Variants in EDC4 observed in about 807,000 individuals in gnomAD.
EDC4 encodes enhancer of mRNA decapping 4.
A neutral mutation model predicts 155.8 loss-of-function variants in EDC4; 64 were observed. The ratio of observed to expected loss-of-function variants is 0.41; its 90% CI spans 0.34 to 0.51. The LOEUF is 0.51. Among genes scored for constraint, EDC4 ranks in the 20% least tolerant of loss-of-function variants. The pLI, the probability that EDC4 is intolerant of heterozygous loss-of-function variation, is 0.19. For missense variants in EDC4, 1,303 were observed against 1,812.5 expected, an observed-to-expected ratio of 0.72 and a Z score of 5.10; for synonymous variants, 684 against 716.8, an observed-to-expected ratio of 0.95 and a Z score of 0.73.
rs865799287 is a variant in EDC4 at position 67,881,846 on chromosome 16, G to A, written c.3004+1G>A. On this transcript the variant is annotated splice_donor_variant, in intron 22 of 28. Transcript: ENST00000358933. LOFTEE classifies it high-confidence loss of function. The surrounding 1 kb of genome is among the most constrained non-coding windows in gnomAD (Gnocchi z 5.4). Reference sequence around the variant, plus strand: ...CTTGAGACTCGGCACGAGCAGGAACGTATCCTTGAGACTGGTAGCACAACA... The same window carrying A: ...CTTGAGACTCGGCACGAGCAGGAACATATCCTTGAGACTGGTAGCACAACA... The A allele has an allele frequency of 1.2e-6, 2 of 1,612,512 alleles. No homozygotes were observed. The highest frequency in any genetic ancestry group is 2.2e-5 in the East Asian group (1 of 44,830).
Position 67,883,249 on chromosome 16 carries a change from C to G in EDC4, c.3849+72C>G. 1 of 1,484,854 alleles carries G rather than the reference C, an allele frequency of 6.7e-7. No individual in the cohort carries two copies. The highest frequency in any genetic ancestry group is 9.0e-7 in the Non-Finnish European group (1 of 1,115,214). 92.0% of individuals were successfully genotyped at this position (1,484,854 alleles called of 1,614,324 possible). On this transcript the variant is annotated intron_variant, in intron 27 of 28. Transcript: ENST00000358933. The surrounding 1 kb of genome is among the most constrained non-coding windows in gnomAD (Gnocchi z 5.3). ...AGGCCCACATACCATACATTCTACTCCACCCACCACCTTTGCACCTTCTGG... is the reference window on the plus strand; with the variant it reads ...AGGCCCACATACCATACATTCTACTGCACCCACCACCTTTGCACCTTCTGG...
rs765124833 is a variant in EDC4 at position 67,878,178 on chromosome 16, G to T, written c.907G>T (p.Gly303Ter). 1 of 1,614,162 alleles carries T rather than the reference G, an allele frequency of 6.2e-7. No individual in the cohort carries two copies. The highest frequency in any genetic ancestry group is 8.5e-7 in the Non-Finnish European group (1 of 1,180,040). ...VKGHSTCLSE[G>*]ALSPDGTVLA... ...GGGTTCTTTCTAGTGCCTCAGTGAA[G>T]GAGCCCTCTCTCCTGATGGGACTGT... The change falls in exon 8 of 29, where the codon GGA becomes TGA. Residue 303 changes from glycine (G) to a stop codon, truncating the protein, a stop_gained. Transcript: ENST00000358933. LOFTEE classifies it high-confidence loss of function. This position sits in a 1 kb window ranked among gnomAD's most constrained non-coding sequence, Gnocchi z 5.2.
chr16:67,881,760 G>A lies in EDC4; in HGVS notation c.2919G>A (p.Gln973=). Residue 973 remains glutamine (Q), a synonymous_variant, in exon 22 of 29, where the codon CAG becomes CAA. Transcript: ENST00000358933. The surrounding 1 kb of genome is among the most constrained non-coding windows in gnomAD (Gnocchi z 5.4). The stretch of plus-strand genomic sequence containing the variant: ...GGCACAGCCAGGAAGAGCTGCTGCA[G>A]CGTCTGTGTACCCAACTCGAAGGCC... The part of the protein sequence containing the change: ...ELRHSQEELL[Q]RLCTQLEGLQ... 1 of 1,614,144 alleles carries A rather than the reference G, an allele frequency of 6.2e-7. No individual in the cohort carries two copies.
rs755189581 is a variant in EDC4, at chr16:67,878,253, A to G, written c.982A>G (p.Ile328Val). The G allele has an allele frequency of 6.2e-7, 1 of 1,614,162 alleles. No individual in the cohort carries two copies. Among genetic ancestry groups the G allele is most frequent in the East Asian group, 2.2e-5 (1 of 44,878 alleles). ...DGYVKFWQIYIEGQDEPRCLH... is the reference protein window; with the variant it reads ...DGYVKFWQIYVEGQDEPRCLH... ...CTATGTCAAGTTCTGGCAGATCTAC[A>G]TTGAGGGGCAAGATGAGCCAAGGTA... The change falls in exon 8 of 29, where the codon ATT (isoleucine) becomes GTT (valine). Residue 328 changes from isoleucine to valine, a missense_variant. Around this residue, in one of 5 missense-constraint regions of EDC4, gnomAD observed 235 missense variants for 367.7 expected, o/e 0.64. Transcript: ENST00000358933. The surrounding 1 kb of genome is among the most constrained non-coding windows in gnomAD (Gnocchi z 5.2).
Position 67,878,704 on chromosome 16 carries a change from C to T in EDC4, c.1185-33C>T, listed in dbSNP as rs2058052109. 2.5e-6 allele frequency: 4 copies of T among 1,614,180 alleles called. No homozygotes were observed. Among genetic ancestry groups the T allele is most frequent in the Admixed American group, 1.7e-5 (1 of 60,018 alleles). ...TGGGAATGTAGCTTCCTTCAGTTCT[C>T]AGGCTCATTCACTCTGCTTTGTGGC... is the stretch of plus-strand genomic sequence containing the variant. On this transcript the variant is annotated intron_variant, in intron 10 of 28. Coordinates refer to ENST00000358933, the MANE Select transcript of EDC4 (RefSeq NM_014329.5). This position sits in a 1 kb window ranked among gnomAD's most constrained non-coding sequence, Gnocchi z 5.2.
In EDC4 at chr16:67,877,981, C is replaced by A; in HGVS notation, c.894+136C>A. 2 of 1,493,436 alleles carry A rather than the reference C, an allele frequency of 1.3e-6. No individual in the cohort carries two copies. The highest frequency in any genetic ancestry group is 1.4e-5 in the African/African-American group (1 of 72,122). The allele number at this position is 1,493,436 out of a possible 1,614,324, so 92.5% of individuals were successfully genotyped here. On this transcript the variant is annotated intron_variant, in intron 7 of 28. Coordinates refer to ENST00000358933, the MANE Select transcript of EDC4 (RefSeq NM_014329.5). This position sits in a 1 kb window ranked among gnomAD's most constrained non-coding sequence, Gnocchi z 4.9. ...GACTCTGAGCTCAAATTGGCCCTCACCTGTGCAGCTTTCTCCTTATCTAGC... is the reference window on the plus strand; with the variant it reads ...GACTCTGAGCTCAAATTGGCCCTCAACTGTGCAGCTTTCTCCTTATCTAGC...
At position 67,876,434 on chromosome 16, in the gene EDC4, C is replaced by A; in HGVS notation, c.240-54C>A. The A allele has an allele frequency of 6.3e-7, 1 of 1,598,000 alleles. No individual in the cohort carries two copies. The highest frequency in any genetic ancestry group is 1.7e-5 in the Admixed American group (1 of 59,144). On this transcript the variant is annotated intron_variant, in intron 2 of 28. Transcript: ENST00000358933. This position sits in a 1 kb window ranked among gnomAD's most constrained non-coding sequence, Gnocchi z 5.8. ...ATGTCCTCGCTTCCTCCCAACCCTGCCCGCTGAGCCTTTGGGTGAACAAGA... is the reference window on the plus strand; with the variant it reads ...ATGTCCTCGCTTCCTCCCAACCCTGACCGCTGAGCCTTTGGGTGAACAAGA...
At position 67,879,576 on chromosome 16, in the gene EDC4, T is replaced by C. The variant is rs371245095; in HGVS notation, c.1634-11T>C. The C allele has an allele frequency of 1.9e-6, 3 of 1,613,710 alleles. No homozygotes were observed. The East Asian group carries it at 6.7e-5, about 36-fold the overall frequency. On this transcript the variant is annotated splice_polypyrimidine_tract_variant and intron_variant, in intron 14 of 28. Transcript: ENST00000358933. The surrounding 1 kb of genome is among the most constrained non-coding windows in gnomAD (Gnocchi z 6.0). ...TCTGAGATCTAACTCAAGTGGCAAC[T>C]TGCCCTGCAGCATTTGGAGAGTCTC...
intron 1 of EDC4, among the ~76,000 whole-genome samples, chr16:67,875,247 G>T (rs34132524): frequency 4.6e-5 from 7 of 152,152 alleles, no homozygotes; most frequent in African/African-American, 1.7e-4. Flanking sequence ...GCTCCTTTAT[G>T]TCCCTGCCTT....
At position 67,876,213 on chromosome 16, in the gene EDC4, A is replaced by T; in HGVS notation, c.239+112A>T. ...CAGCAGCCTCTGCTGCTTCCTCTCTAGATGACCTGGGGTGGAGCTTGAGCT... is the reference window on the plus strand; with the variant it reads ...CAGCAGCCTCTGCTGCTTCCTCTCTTGATGACCTGGGGTGGAGCTTGAGCT... On this transcript the variant is annotated intron_variant, in intron 2 of 28. Transcript: ENST00000358933. This position sits in a 1 kb window ranked among gnomAD's most constrained non-coding sequence, Gnocchi z 5.8. The T allele has an allele frequency of 7.9e-7, 1 of 1,269,600 alleles. No homozygotes were observed. Among genetic ancestry groups the T allele is most frequent in the Non-Finnish European group, 1.1e-6 (1 of 899,530 alleles). The allele number at this position is 1,269,600 out of a possible 1,614,324, so 78.6% of individuals were successfully genotyped here. A position where few individuals can be genotyped will look rare whatever the true frequency, so the allele number is the denominator to read the frequency against.
In EDC4 at chr16:67,873,321, C is replaced by G. The variant is rs770112830; in HGVS notation, c.60C>G (p.Leu20=). 4.1e-5 allele frequency: 61 copies of G among 1,474,954 alleles called. No individual in the cohort carries two copies. The Middle Eastern group carries it at 1.0e-3, about 25-fold the overall frequency. 91.4% of individuals were successfully genotyped at this position (1,474,954 alleles called of 1,614,324 possible). A position where few individuals can be genotyped will look rare whatever the true frequency, so the allele number is the denominator to read the frequency against. Residue 20 remains leucine (L), a synonymous_variant, in exon 1 of 29, where the codon CTC becomes CTG. Coordinates refer to ENST00000358933, the MANE Select transcript of EDC4 (RefSeq NM_014329.5). Reference sequence around the variant, plus strand: ...CCACGCAGCACCTGCGGGACATCCTCAAGCTGGACCGGCCCGCGGGCGGTG... The same window carrying G: ...CCACGCAGCACCTGCGGGACATCCTGAAGCTGGACCGGCCCGCGGGCGGTG... The part of the protein sequence containing the change: ...EDATQHLRDI[L]KLDRPAGGPS...
chr16:67,878,296 C>G lies in EDC4; in HGVS notation c.1004+21C>G, dbSNP rs1330507620. 4 of 1,614,198 alleles carry G rather than the reference C, an allele frequency of 2.5e-6. No homozygotes were observed. Among genetic ancestry groups the G allele is most frequent in the Non-Finnish European group, 3.4e-6 (4 of 1,180,048 alleles). On this transcript the variant is annotated intron_variant, in intron 8 of 28. Coordinates refer to ENST00000358933, the MANE Select transcript of EDC4 (RefSeq NM_014329.5). The surrounding 1 kb of genome is among the most constrained non-coding windows in gnomAD (Gnocchi z 5.2). ...CCAAGGTAAGGCAGGGCCTCAGGGA[C>G]CAGGATCCTCCCGAGGTAGCCCACC...
Position 67,880,718 on chromosome 16 carries a change from C to T in EDC4, c.2259C>T (p.Ser753=). The stretch of plus-strand genomic sequence containing the variant: ...CTGAGATTGCATCTGAGGCCCTGTC[C>T]CGTGGTTTTGGCTCCTCTGCACCAG... ...DIPEIASEAL[S]RGFGSSAPEG... is the part of the protein sequence containing the mutation. Residue 753 remains serine (S), a synonymous_variant, in exon 18 of 29, where the codon TCC becomes TCT. Transcript: ENST00000358933. The surrounding 1 kb of genome is among the most constrained non-coding windows in gnomAD (Gnocchi z 5.2). 6.2e-7 allele frequency: 1 copy of T among 1,614,218 alleles called. No individual in the cohort carries two copies. The highest frequency in any genetic ancestry group is 1.1e-5 in the South Asian group (1 of 91,092).
In EDC4 at chr16:67,878,162, C is replaced by A; in HGVS notation, c.895-4C>A. The A allele has an allele frequency of 6.2e-7, 1 of 1,614,138 alleles. No individual in the cohort carries two copies. Among genetic ancestry groups the A allele is most frequent in the Non-Finnish European group, 8.5e-7 (1 of 1,180,014 alleles). The stretch of plus-strand genomic sequence containing the variant: ...GTCAGCAAAGCTTTTTGGGTTCTTT[C>A]TAGTGCCTCAGTGAAGGAGCCCTCT... On this transcript the variant is annotated splice_polypyrimidine_tract_variant and splice_region_variant and intron_variant, in intron 7 of 28. Coordinates refer to ENST00000358933, the MANE Select transcript of EDC4 (RefSeq NM_014329.5). The surrounding 1 kb of genome is among the most constrained non-coding windows in gnomAD (Gnocchi z 5.2).
At position 67,880,533 on chromosome 16, in the gene EDC4, G is replaced by T. The variant is rs1567390929; in HGVS notation, c.2098-24G>T. 1 of 1,608,176 alleles carries T rather than the reference G, an allele frequency of 6.2e-7. No individual in the cohort carries two copies. Among genetic ancestry groups the T allele is most frequent in the Admixed American group, 1.7e-5 (1 of 59,822 alleles). On this transcript the variant is annotated intron_variant, in intron 17 of 28. Transcript: ENST00000358933. The surrounding 1 kb of genome is among the most constrained non-coding windows in gnomAD (Gnocchi z 5.2). ...CTCTGCCTCACTTCCTGTCACTTAA[G>T]CCCCCATCTTTGGCCCACCTCAGGT... is the stretch of plus-strand genomic sequence containing the variant.
In EDC4 at chr16:67,881,933, C is replaced by T. The variant is rs772661586; in HGVS notation, c.3005-21C>T. 12 of 1,603,640 alleles carry T rather than the reference C, an allele frequency of 7.5e-6. No homozygotes were observed. The highest frequency in any genetic ancestry group is 2.7e-5 in the African/African-American group (2 of 74,596). ...AGGAGTACACGACCTGCTCCAGGCC[C>T]GTTCCTTAGCTATGGCGCAGAGCGG... On this transcript the variant is annotated intron_variant, in intron 22 of 28. Transcript: ENST00000358933. This position sits in a 1 kb window ranked among gnomAD's most constrained non-coding sequence, Gnocchi z 5.4.
At chr16:67,874,504 C>G (rs996080128) in intron 1 of EDC4, among the ~76,000 whole-genome samples, 2 of 152,198 alleles carry the variant, frequency 1.3e-5, no homozygotes, top group African/African-American at 4.8e-5. Flanking sequence ...GTGGACCTCT[C>G]CTGCTGCTCA....
Position 67,882,895 on chromosome 16 carries a change from T to A in EDC4, c.3629+30T>A. 1 of 1,614,058 alleles carries A rather than the reference T, an allele frequency of 6.2e-7. No homozygotes were observed. On this transcript the variant is annotated intron_variant, in intron 26 of 28. Coordinates refer to ENST00000358933, the MANE Select transcript of EDC4 (RefSeq NM_014329.5). The surrounding 1 kb of genome is among the most constrained non-coding windows in gnomAD (Gnocchi z 7.2). ...GTGGGCAGAGTACTGGGCAAGGTGG[T>A]GGGCTTGAGAAAGGCCAGACTAGGC...
At position 67,879,759 on chromosome 16, in the gene EDC4, C is replaced by T. The variant is rs770417583; in HGVS notation, c.1806C>T (p.Ser602=). The part of the protein sequence containing the change: ...LMTPDAFMTP[S]ASLQQITASP... ...CACCTGACGCCTTCATGACACCTAG[C>T]GCCTCCTTGCAGCAGGTACTCTCCC... Residue 602 remains serine, a synonymous_variant, in exon 15 of 29, where the codon AGC becomes AGT. Coordinates refer to ENST00000358933, the MANE Select transcript of EDC4 (RefSeq NM_014329.5). The surrounding 1 kb of genome is among the most constrained non-coding windows in gnomAD (Gnocchi z 6.0). 2.5e-5 allele frequency: 41 copies of T among 1,613,996 alleles called. No homozygotes were observed. Among genetic ancestry groups the T allele is most frequent in the Non-Finnish European group, 3.1e-5 (36 of 1,180,004 alleles).
Sources: gnomAD v4.1 joint callset for allele counts (sites outside exome capture counted in the v4.1 genomes callset) on GRCh38, gnomAD v4.1.1 for gene constraint, gnomAD v4.1.1 regional missense constraint, Gnocchi (gnomAD v3.1) non-coding constraint, MANE v1.5 for transcripts, NCBI Gene and HGNC (gene_info 2026-07-23, HGNC 2026-07-21) for gene names.